Variants in KLF5 observed in about 807,000 individuals in gnomAD.
KLF5 encodes Krueppel-like factor 5.
In KLF5, 9 loss-of-function variants were observed where a neutral mutation model predicts 36.9. The ratio of observed to expected loss-of-function variants is 0.24; its 90% CI spans 0.15 to 0.43. KLF5 has a LOEUF of 0.43. Ranked by LOEUF, KLF5 falls within the 20% of genes least tolerant of loss-of-function variation. The pLI is 1.00. For missense variants in KLF5, 524 were observed against 599.5 expected (o/e 0.87, Z 1.31); for synonymous variants, 246 against 241.7 (o/e 1.02, Z -0.17).
At chr13:73,068,396 A>T (rs2044696816) in intron 3 of KLF5, among the ~76,000 whole-genome samples, 1 of 152,150 alleles carries the variant, frequency 6.6e-6, no homozygotes, top group African/African-American at 2.4e-5. Context: ...GTACTAAAAG[A>T]TCCTTAGATA....
chr13:73,062,478 T>C lies in KLF5; in HGVS notation c.879T>C (p.Leu293=). Residue 293 remains leucine (L), a synonymous_variant, in exon 2 of 4, where the codon CTT becomes CTC. Transcript: ENST00000377687. The stretch of plus-strand genomic sequence containing the variant: ...CATACACAATGCCAAGTCAGTTTCT[T>C]CCACAACAGGCCACTTACTTTCCCC... The part of the protein sequence containing the change: ...PCTYTMPSQF[L]PQQATYFPPS... The C allele has an allele frequency of 6.2e-7, 1 of 1,614,174 alleles. No homozygotes were observed. Among genetic ancestry groups the C allele is most frequent in the East Asian group, 2.2e-5 (1 of 44,882 alleles).
chr13:73,075,641 C>A, intron 3 of KLF5, 67 bp from the exon 4 acceptor site: 2 of 1,301,928 alleles, frequency 1.5e-6, no homozygotes, highest in South Asian at 1.7e-5. Context: ...GAAATTCCTT[C>A]TCCGGTGTTA....
chr13:73,076,202 A>C lies in KLF5; in HGVS notation c.*316A>C. On this transcript the variant is annotated 3_prime_UTR_variant, in exon 4 of 4. Transcript: ENST00000377687. Reference sequence around the variant, plus strand: ...GGGAGTGTGTGCAGCGTTTTTACCTAGGCACCATCATTTAATGTGACAGTG... The same window carrying C: ...GGGAGTGTGTGCAGCGTTTTTACCTCGGCACCATCATTTAATGTGACAGTG... 1 of 235,856 alleles carries C rather than the reference A, an allele frequency of 4.2e-6. No individual in the cohort carries two copies. The highest frequency in any genetic ancestry group is 1.8e-4 in the South Asian group (1 of 5,674). 14.6% of individuals were successfully genotyped at this position (235,856 alleles called of 1,614,324 possible).
At chr13:73,075,616 AT>A (rs896871662) in intron 3 of KLF5, 91 bp from the exon 4 acceptor site, 1,304 of 1,098,616 alleles carry the variant, frequency 1.2e-3, no homozygotes, top group South Asian at 1.7e-3. Flanking sequence ...CTTGGCCAAG[AT>A]TTTTTTTTTC....
intron 3 of KLF5, chr13:73,075,049 A>G (rs769558951): frequency 1.7e-4 from 26 of 152,228 alleles, no homozygotes; most frequent in Admixed American, 9.8e-4. Context: ...TTTTGCTTCA[A>G]TCTGCAAAAG....
At chr13:73,074,727 A>G (rs1386289207) in intron 3 of KLF5, among the ~76,000 whole-genome samples, 1 of 152,198 alleles carries the variant, frequency 6.6e-6, no homozygotes, top group Non-Finnish European at 1.5e-5. Context: ...GGAGGAACAT[A>G]CCAACTCAAT....
At chr13:73,062,840 T>A in intron 2 of KLF5, 106 bp downstream of exon 2, 8 of 876,342 alleles carry the variant, frequency 9.1e-6, no homozygotes, top group Non-Finnish European at 1.0e-5. Context: ...CTTTTCAACC[T>A]CATGGCTTTA....
At chr13:73,056,264 A>G (rs998129616), upstream of KLF5, among the ~76,000 whole-genome samples, 3 of 152,186 alleles carry the variant, frequency 2.0e-5, no homozygotes, top group African/African-American at 7.2e-5. Flanking sequence ...TGACTACTCA[A>G]CATTTTTATT....
intron 3 of KLF5, among the ~76,000 whole-genome samples, chr13:73,075,271 C>T (rs2044751132): frequency 6.6e-6 from 1 of 152,138 alleles, no homozygotes; most frequent in African/African-American, 2.4e-5. Flanking sequence ...TTTTTTCCTC[C>T]CTCACCCACC....
intron 3 of KLF5, among the ~76,000 whole-genome samples, chr13:73,064,288 A>G (rs375719274): frequency 1.3e-5 from 2 of 152,266 alleles, no homozygotes; most frequent in African/African-American, 4.8e-5. Context: ...TCCCATTTGG[A>G]GTGTACTGCA....
In KLF5 at chr13:73,059,289, G is replaced by A; in HGVS notation, c.-39G>A. The A allele has an allele frequency of 7.5e-7, 1 of 1,330,410 alleles. No homozygotes were observed. Among genetic ancestry groups the A allele is most frequent in the Non-Finnish European group, 9.6e-7 (1 of 1,041,188 alleles). 82.4% of individuals were successfully genotyped at this position (1,330,410 alleles called of 1,614,324 possible). A position where few individuals can be genotyped will look rare whatever the true frequency, so the allele number is the denominator to read the frequency against. ...AGCCAGCGTGGGCGAGGTGGGAAGT[G>A]CGCCCGACCCGCGCCTGGAGCTGCG... On this transcript the variant is annotated 5_prime_UTR_variant, in exon 1 of 4. Transcript: ENST00000377687.
intron 3 of KLF5, among the ~76,000 whole-genome samples, chr13:73,066,804 C>T (rs2044683140): frequency 1.3e-5 from 2 of 152,118 alleles, no homozygotes; most frequent in African/African-American, 4.8e-5. Context: ...TTCAAGTCTT[C>T]TAAGTTCATA....
In KLF5 at chr13:73,070,926, G is replaced by A. The variant is rs140546223; in HGVS notation, c.1196-4782G>A. ...CAGGCAAAAGCCCTGCTGCAGGAGGGTCCACAGAAGAATAAAAAGCTGACA... is the reference window on the plus strand; with the variant it reads ...CAGGCAAAAGCCCTGCTGCAGGAGGATCCACAGAAGAATAAAAAGCTGACA... On this transcript the variant is annotated intron_variant, in intron 3 of 3. Transcript: ENST00000377687. Among the ~76,000 whole-genome samples the A allele has an allele frequency of 1.2e-3, 185 of 152,304 alleles. 1 individual carries two copies. The highest frequency in any genetic ancestry group is 4.2e-3 in the African/African-American group (176 of 41,556).
upstream of KLF5, chr13:73,058,690 C>G (rs1259959399): frequency 6.8e-6 from 1 of 146,722 alleles, no homozygotes; most frequent in Non-Finnish European, 1.6e-5. Flanking sequence ...CTCCGCGTCT[C>G]CACCCTAATT....
At chr13:73,055,179 T>G (rs2044576501), upstream of KLF5, 1 of 152,164 alleles carries the variant, frequency 6.6e-6, no homozygotes, top group African/African-American at 2.4e-5. Context: ...CCTGTTTTTT[T>G]GGATATTATT....
chr13:73,061,978 A>T lies in KLF5; in HGVS notation c.379A>T (p.Thr127Ser), dbSNP rs760981973. 2 of 1,614,232 alleles carry T rather than the reference A, an allele frequency of 1.2e-6. No individual in the cohort carries two copies. Among genetic ancestry groups the T allele is most frequent in the South Asian group, 2.2e-5 (2 of 91,084 alleles). The change falls in exon 2 of 4, where the codon ACT (threonine) becomes TCT (serine). Residue 127 changes from threonine to serine, a missense_variant. By Grantham distance (58) the Thr-to-Ser change is moderately conservative (BLOSUM62 1). Transcript: ENST00000377687. ...AGTCGTAGACCAGTTCTTCACTGACACTGAAGGGTTACCTTACAGTATCAA... is the reference window on the plus strand; with the variant it reads ...AGTCGTAGACCAGTTCTTCACTGACTCTGAAGGGTTACCTTACAGTATCAA... ...ASVVDQFFTD[T>S]EGLPYSINMN...
chr13:73,059,776 G>GC lies in KLF5; in HGVS notation c.261+188_261+189insC, dbSNP rs1330591122. The GC allele has an allele frequency of 3.6e-5, 20 of 548,284 alleles. 1 individual carries two copies. Among genetic ancestry groups the GC allele is most frequent in the African/African-American group, 8.7e-5 (3 of 34,402 alleles). 34.0% of individuals were successfully genotyped at this position (548,284 alleles called of 1,614,324 possible). On this transcript the variant is annotated intron_variant, in intron 1 of 3. Transcript: ENST00000377687. ...CCCCGCGTTTCGCTGAGAGTAAATG[G>GC]GGGGGGGGGCCGGGGGTGGGAAGGA...
chr13:73,060,725 T>G (rs1241848473), intron 1 of KLF5: 2 of 152,230 alleles, frequency 1.3e-5, no homozygotes, highest in Admixed American at 1.3e-4. Context: ...TATTTACCTG[T>G]TAAGGTGCCA....
intron 3 of KLF5, among the ~76,000 whole-genome samples, chr13:73,074,468 A>G (rs996904076): frequency 2.6e-5 from 4 of 152,216 alleles, no homozygotes; most frequent in African/African-American, 9.6e-5. Context: ...ACTTTAATAT[A>G]CAAATTTATC....
Sources: allele counts gnomAD v4.1 joint callset (sites outside exome capture counted in the v4.1 genomes callset), GRCh38; gene constraint gnomAD v4.1.1; transcripts MANE v1.5; gene names NCBI Gene and HGNC (gene_info 2026-07-23, HGNC 2026-07-21).